Variants in ARHGEF3 observed in about 807,000 individuals in gnomAD.
ARHGEF3 encodes the protein Rho guanine nucleotide exchange factor 3, also known as 59.8 kDA protein.
A neutral mutation model predicts 63.2 loss-of-function variants in ARHGEF3; 28 were observed. That is an observed-to-expected ratio of 0.44 (90% confidence interval 0.33 to 0.61). The LOEUF (loss-of-function observed/expected upper bound fraction) is 0.61. Among genes scored for constraint, ARHGEF3 ranks in the 20% least tolerant of loss-of-function variants. ARHGEF3 has a pLI of 0.03. For missense variants in ARHGEF3, 533 were observed against 659.3 expected (o/e 0.81, Z 2.10); for synonymous variants, 266 against 254.2 (o/e 1.05, Z -0.44).
At chr3:56,822,039 A>AGAAGAGAAGAGAAGC (rs1303262197) in intron 4 of ARHGEF3, among the ~76,000 whole-genome samples, 1 of 150,916 alleles carries the variant, frequency 6.6e-6, no homozygotes, top group Non-Finnish European at 1.5e-5. Flanking sequence ...AGAAGCGAGG[A>AGAAGAGAAGAGAAGC]AAAGAAAAGA....
intron 3 of ARHGEF3, among the ~76,000 whole-genome samples, chr3:56,936,100 C>G (rs1321696365): frequency 6.6e-6 from 1 of 152,102 alleles, no homozygotes; most frequent in Non-Finnish European, 1.5e-5. Flanking sequence ...AAAAACTGAT[C>G]CAATTGAAGT....
intron 4 of ARHGEF3, among the ~76,000 whole-genome samples, chr3:56,880,362 CCA>C (rs1430021563): frequency 4.6e-5 from 7 of 152,286 alleles, no homozygotes; most frequent in African/African-American, 1.4e-4. Context: ...GCCAAATTAT[CCA>C]CAGTCTTGTG....
chr3:56,848,270 A>G (rs1319512580), intron 4 of ARHGEF3, among the ~76,000 whole-genome samples: 1 of 152,178 alleles, frequency 6.6e-6, no homozygotes, highest in Admixed American at 6.5e-5. Flanking sequence ...AAGGGACTTC[A>G]CTATACTCAT....
At chr3:57,004,216 A>C (rs919274378) in intron 2 of ARHGEF3, among the ~76,000 whole-genome samples, 1 of 152,236 alleles carries the variant, frequency 6.6e-6, no homozygotes, top group African/African-American at 2.4e-5. Flanking sequence ...TGTCCTCGTC[A>C]GCCACAACTG....
chr3:56,756,795 C>T (rs958694056), intron 2 of ARHGEF3, among the ~76,000 whole-genome samples: 2 of 152,096 alleles, frequency 1.3e-5, no homozygotes, highest in Admixed American at 6.5e-5. Context: ...GTGATCCGCC[C>T]GCCTCGGCCT....
At chr3:57,023,030 C>CTTA in intron 2 of ARHGEF3, among the ~76,000 whole-genome samples, 1 of 152,288 alleles carries the variant, frequency 6.6e-6, no homozygotes, top group South Asian at 2.1e-4. Flanking sequence ...ACTCCACCTG[C>CTTA]TTATGCTCAC....
intron 6 of ARHGEF3, among the ~76,000 whole-genome samples, chr3:56,749,771 G>A (rs1051042388): frequency 1.3e-5 from 2 of 152,102 alleles, no homozygotes; most frequent in African/African-American, 4.8e-5. Context: ...CTTGCCTTTC[G>A]GATACCTTTG....
At chr3:56,757,476 G>GA (rs113675052) in intron 2 of ARHGEF3, among the ~76,000 whole-genome samples, 43 of 139,896 alleles carry the variant, frequency 3.1e-4, no homozygotes, top group Non-Finnish European at 2.5e-4. Context: ...CTCCGTCTCA[G>GA]AAAAAAAAAA....
At chr3:56,781,823 A>G (rs12632887) in intron 1 of ARHGEF3, among the ~76,000 whole-genome samples, 9,208 of 152,286 alleles carry the variant, frequency 0.06, 346 homozygotes, top group East Asian at 0.15. Flanking sequence ...TACAGGTGTC[A>G]CTGTTGTGGG....
intron 3 of ARHGEF3, among the ~76,000 whole-genome samples, chr3:56,920,960 C>T (rs1206828422): frequency 6.9e-6 from 1 of 145,872 alleles, no homozygotes; most frequent in Admixed American, 7.2e-5. Context: ...GAGGCTGAGG[C>T]AGGAGAATGA....
At chr3:57,044,788 T>A (rs1704376030) in intron 1 of ARHGEF3, among the ~76,000 whole-genome samples, 1 of 152,176 alleles carries the variant, frequency 6.6e-6, no homozygotes, top group Non-Finnish European at 1.5e-5. Context: ...CGAGGCTTGG[T>A]GGGGATACCA....
At chr3:56,876,890 G>A (rs944287222) in intron 4 of ARHGEF3, among the ~76,000 whole-genome samples, 1 of 152,210 alleles carries the variant, frequency 6.6e-6, no homozygotes, top group Non-Finnish European at 1.5e-5. Flanking sequence ...TGGGTGGAGG[G>A]GGGAAGTAAA....
intron 1 of ARHGEF3, among the ~76,000 whole-genome samples, chr3:57,039,931 G>A (rs1034374031): frequency 6.6e-6 from 1 of 152,102 alleles, no homozygotes; most frequent in Non-Finnish European, 1.5e-5. Context: ...ACTGGTGAAT[G>A]GCACCCGTGA....
chr3:56,729,935 A>G (rs1048192115), intron 9 of ARHGEF3, among the ~76,000 whole-genome samples: 2 of 152,156 alleles, frequency 1.3e-5, no homozygotes, highest in Non-Finnish European at 2.9e-5. Flanking sequence ...GCTGCATAAC[A>G]AAATCCCTTG....
chr3:56,803,702 T>C (rs79213742), upstream of ARHGEF3, among the ~76,000 whole-genome samples: 2,644 of 151,636 alleles, frequency 0.017, 36 homozygotes, highest in Middle Eastern at 0.034. Flanking sequence ...AATCCCGAGG[T>C]TGAGGTGGGA....
intron 4 of ARHGEF3, among the ~76,000 whole-genome samples, chr3:56,820,039 G>C (rs1211366247): frequency 6.6e-6 from 1 of 152,052 alleles, no homozygotes; most frequent in Non-Finnish European, 1.5e-5. Flanking sequence ...CAAACTCCTG[G>C]GTTCAAGTGA....
chr3:56,858,709 T>C (rs1204261560), intron 4 of ARHGEF3, among the ~76,000 whole-genome samples: 1 of 152,188 alleles, frequency 6.6e-6, no homozygotes, highest in African/African-American at 2.4e-5. Flanking sequence ...GTGGGAGTCA[T>C]ATCTGGGGGA....
At chr3:56,989,006 T>A (rs1444503132) in intron 2 of ARHGEF3, among the ~76,000 whole-genome samples, 1 of 151,998 alleles carries the variant, frequency 6.6e-6, no homozygotes, top group East Asian at 1.9e-4. Flanking sequence ...TGGAAGACAA[T>A]TTTTTCCAGG....
At chr3:57,006,308 A>G (rs1486199893) in intron 2 of ARHGEF3, among the ~76,000 whole-genome samples, 3 of 152,204 alleles carry the variant, frequency 2.0e-5, no homozygotes, top group Non-Finnish European at 2.9e-5. Flanking sequence ...GCCAATGACC[A>G]GCGTGAGGTA....
Sources: allele counts gnomAD v4.1 joint callset (sites outside exome capture counted in the v4.1 genomes callset), GRCh38; gene constraint gnomAD v4.1.1; transcripts MANE v1.5; gene names NCBI Gene and HGNC (gene_info 2026-07-23, HGNC 2026-07-21).